Variants in PTPRT observed in about 807,000 individuals in gnomAD.
PTPRT encodes the protein receptor-type tyrosine-protein phosphatase T.
PTPRT carries 56 observed loss-of-function variants against 176.8 expected under a neutral mutation model. The ratio of observed to expected loss-of-function variants is 0.32; its 90% CI spans 0.26 to 0.40. PTPRT has a LOEUF of 0.40. PTPRT is among the 10% of genes least tolerant of loss of function. PTPRT has a pLI of 1.00. For missense variants in PTPRT, 1,540 were observed against 1,908.2 expected, an observed-to-expected ratio of 0.81 and a Z score of 3.60; for synonymous variants, 783 against 739.0, an observed-to-expected ratio of 1.06 and a Z score of -0.96.
At chr20:42,349,857 G>C (rs977946054) in intron 11 of PTPRT, among the ~76,000 whole-genome samples, 3 of 152,190 alleles carry the variant, frequency 2.0e-5, no homozygotes, top group African/African-American at 7.2e-5. Context: ...CTGATATCAT[G>C]AACTAGCAGT....
chr20:43,171,963 T>A (rs1283776621), intron 1 of PTPRT, among the ~76,000 whole-genome samples: 2 of 151,816 alleles, frequency 1.3e-5, no homozygotes, highest in Non-Finnish European at 2.9e-5. Flanking sequence ...TGCAAAAGAG[T>A]CGAGGTCATG....
At chr20:43,071,631 C>T (rs562835592) in intron 1 of PTPRT, among the ~76,000 whole-genome samples, 1 of 151,844 alleles carries the variant, frequency 6.6e-6, no homozygotes. Context: ...ACTAAAAATA[C>T]AAAATTAGCT....
At chr20:42,878,448 T>G (rs745785599) in intron 2 of PTPRT, among the ~76,000 whole-genome samples, 1 of 152,234 alleles carries the variant, frequency 6.6e-6, no homozygotes, top group Non-Finnish European at 1.5e-5. Context: ...TCATAAATCA[T>G]GACTGCAAGT....
At chr20:43,065,391 T>G (rs1221330426) in intron 1 of PTPRT, among the ~76,000 whole-genome samples, 1 of 152,198 alleles carries the variant, frequency 6.6e-6, no homozygotes, top group Non-Finnish European at 1.5e-5. Flanking sequence ...TCACTCACAT[T>G]TCACTGGCCA....
At chr20:42,566,816 C>A (rs2073047205) in intron 7 of PTPRT, among the ~76,000 whole-genome samples, 1 of 152,144 alleles carries the variant, frequency 6.6e-6, no homozygotes. Flanking sequence ...ACTGATTAAA[C>A]CTCAACAAAA....
At chr20:42,631,408 C>T (rs970529676) in intron 7 of PTPRT, among the ~76,000 whole-genome samples, 5 of 152,156 alleles carry the variant, frequency 3.3e-5, no homozygotes, top group Admixed American at 6.5e-5. Context: ...ATACTCAATT[C>T]AGCTTCACAT....
At chr20:42,238,938 A>G (rs867123250) in intron 14 of PTPRT, among the ~76,000 whole-genome samples, 1 of 152,188 alleles carries the variant, frequency 6.6e-6, no homozygotes, top group African/African-American at 2.4e-5. Context: ...CCCAAGAATC[A>G]CCATAGGCAT....
chr20:42,379,636 G>A (rs937628783), intron 9 of PTPRT, among the ~76,000 whole-genome samples: 25 of 152,338 alleles, frequency 1.6e-4, no homozygotes, highest in Non-Finnish European at 3.2e-4. Context: ...CTCCTTTCTC[G>A]GCCTTGGCCC....
intron 6 of PTPRT, among the ~76,000 whole-genome samples, chr20:42,693,030 G>A (rs544904577): frequency 9.2e-5 from 14 of 152,232 alleles, no homozygotes; most frequent in East Asian, 5.8e-4. Context: ...TAAGGTTAAC[G>A]CACTTTATGT....
intron 7 of PTPRT, among the ~76,000 whole-genome samples, chr20:42,507,648 C>A (rs2145439693): frequency 6.6e-6 from 1 of 152,190 alleles, no homozygotes; most frequent in South Asian, 2.1e-4. Flanking sequence ...TGAGTCTTAA[C>A]AAATATTAGT....
chr20:42,129,625 T>C (rs1319467736), intron 18 of PTPRT, among the ~76,000 whole-genome samples: 1 of 152,182 alleles, frequency 6.6e-6, no homozygotes, highest in Non-Finnish European at 1.5e-5. Context: ...TGGTTTGCTA[T>C]CCAGGTCACT....
intron 19 of PTPRT, among the ~76,000 whole-genome samples, chr20:42,123,068 T>G (rs1217565418): frequency 2.0e-5 from 3 of 152,182 alleles, no homozygotes; most frequent in Non-Finnish European, 2.9e-5. Context: ...ACATGGGACA[T>G]GCCACCCAGA....
At chr20:42,898,224 T>C (rs538779152) in intron 1 of PTPRT, among the ~76,000 whole-genome samples, 2 of 152,250 alleles carry the variant, frequency 1.3e-5, no homozygotes, top group Admixed American at 1.3e-4. Flanking sequence ...TTGCTGTTGT[T>C]AAGAGACGGG....
chr20:42,847,288 G>C (rs151006923), intron 2 of PTPRT, among the ~76,000 whole-genome samples: 1 of 152,178 alleles, frequency 6.6e-6, no homozygotes, highest in African/African-American at 2.4e-5. Flanking sequence ...GAGAGGAACA[G>C]CAACCTTCAG....
At chr20:42,533,443 G>T (rs573326201) in intron 7 of PTPRT, among the ~76,000 whole-genome samples, 11 of 152,176 alleles carry the variant, frequency 7.2e-5, no homozygotes, top group Non-Finnish European at 1.0e-4. Flanking sequence ...ATGTCTTTCA[G>T]TCAATCAATT....
chr20:42,142,701 G>T (rs1206313378), intron 17 of PTPRT, among the ~76,000 whole-genome samples: 1 of 152,140 alleles, frequency 6.6e-6, no homozygotes, highest in Non-Finnish European at 1.5e-5. Context: ...ATTAGGCATA[G>T]CAAGAGATTA....
chr20:42,124,128 C>T (rs550175450), intron 19 of PTPRT, among the ~76,000 whole-genome samples: 8 of 152,320 alleles, frequency 5.3e-5, no homozygotes, highest in African/African-American at 1.7e-4. Flanking sequence ...ATTCTAACCA[C>T]GAGACTCCTC....
the PTPRT span, among the ~76,000 whole-genome samples, chr20:42,063,058 C>T: frequency 2.0e-4 from 31 of 152,248 alleles, no homozygotes; most frequent in Admixed American, 5.2e-4. Flanking sequence ...ACAATTTTTG[C>T]GTTTCAAGAG....
the PTPRT span, among the ~76,000 whole-genome samples, chr20:42,048,244 G>A: frequency 2.6e-5 from 4 of 152,188 alleles, no homozygotes; most frequent in Non-Finnish European, 5.9e-5. Flanking sequence ...CTGAGTATGG[G>A]GAAAGGTCCC....
Sources: allele counts gnomAD v4.1 joint callset (sites outside exome capture counted in the v4.1 genomes callset), GRCh38; gene constraint gnomAD v4.1.1; transcripts MANE v1.5; gene names NCBI Gene and HGNC (gene_info 2026-07-23, HGNC 2026-07-21).